Variants in PCDHA9 observed in about 807,000 individuals in gnomAD.
PCDHA9 encodes protocadherin alpha-9.
A neutral mutation model predicts 62.0 loss-of-function variants in PCDHA9; 62 were observed. That is an observed-to-expected ratio of 1.00 (90% confidence interval 0.81 to 1.23). The LOEUF (loss-of-function observed/expected upper bound fraction) is 1.23, where lower values mean the gene tolerates loss of function less well. Ranked by LOEUF, PCDHA9 falls within the 50% of genes most tolerant of loss-of-function variation. The pLI is 0.00. For synonymous variants in PCDHA9, 557 were observed against 567.6 expected, an observed-to-expected ratio of 0.98 and a Z score of 0.27; for missense variants, 1,205 against 1,249.8, an observed-to-expected ratio of 0.96 and a Z score of 0.54.
At chr5:140,883,018 G>A (rs1400637236) in intron 1 of PCDHA9, 4 of 1,614,086 alleles carry the variant, frequency 2.5e-6, no homozygotes, top group Admixed American at 1.7e-5. Flanking sequence ...ATAAAGTGAC[G>A]GTGTTAGAGA....
rs782684247 is a variant in PCDHA9, at chr5:140,870,024, A to T, written c.2394+19135A>T. The T allele has an allele frequency of 3.1e-6, 5 of 1,613,624 alleles. No individual in the cohort carries two copies. The Admixed American group carries it at 6.7e-5, about 22-fold the overall frequency. On this transcript the variant is annotated intron_variant, in intron 1 of 3. Coordinates refer to ENST00000532602, the MANE Select transcript of PCDHA9 (RefSeq NM_031857.2). The stretch of plus-strand genomic sequence containing the variant: ...GAGAAGTGAGGGTCAATGGAACTTT[A>T]GATTATGAAGAAAACAAGTTTTATA...
intron 3 of PCDHA9, among the ~76,000 whole-genome samples, chr5:140,983,431 G>T (rs947907651): frequency 5.3e-5 from 8 of 152,198 alleles, no homozygotes; most frequent in African/African-American, 1.9e-4. Flanking sequence ...ACCACAAATT[G>T]TGTCTACTCT....
intron 1 of PCDHA9, among the ~76,000 whole-genome samples, chr5:140,897,778 TG>T (rs1385536315): frequency 6.6e-6 from 1 of 152,208 alleles, no homozygotes; most frequent in Non-Finnish European, 1.5e-5. Flanking sequence ...ACTTCCACAA[TG>T]GTTGAACTAG....
rs140013560 is a variant in PCDHA9 at position 140,850,963 on chromosome 5, C to A, written c.2394+74C>A. On this transcript the variant is annotated intron_variant, in intron 1 of 3. Coordinates refer to ENST00000532602, the MANE Select transcript of PCDHA9 (RefSeq NM_031857.2). The stretch of plus-strand genomic sequence containing the variant: ...AGATATTATCGATTACTCCCAGGGG[C>A]CGTTCAAATAGTTTTATTCATTTTT... The A allele has an allele frequency of 5.0e-4, 731 of 1,472,590 alleles. 40 individuals carry two copies. The African/African-American group carries it at 9.3e-3, about 19-fold the overall frequency. The allele number at this position is 1,472,590 out of a possible 1,614,324, so 91.2% of individuals were successfully genotyped here.
chr5:140,982,267 A>T, intron 2 of PCDHA9: 4 of 883,458 alleles, frequency 4.5e-6, no homozygotes, highest in Non-Finnish European at 6.5e-6. Context: ...GTGTTCCTGG[A>T]ATAGTATAGC....
intron 3 of PCDHA9, among the ~76,000 whole-genome samples, chr5:140,985,406 GA>G (rs1554247033): frequency 6.6e-6 from 1 of 152,136 alleles, no homozygotes; most frequent in Non-Finnish European, 1.5e-5. Flanking sequence ...TGTTCCCCTG[GA>G]AATGGAGTGA....
At chr5:140,852,737 C>A in intron 1 of PCDHA9, 1 of 983,808 alleles carries the variant, frequency 1.0e-6, no homozygotes, top group Non-Finnish European at 1.2e-6. Context: ...GTTTCATGTG[C>A]CATTTAAACT....
chr5:140,901,307 T>A (rs544600785), intron 1 of PCDHA9, among the ~76,000 whole-genome samples: 1 of 152,264 alleles, frequency 6.6e-6, no homozygotes, highest in East Asian at 1.9e-4. Context: ...TTCCGGAGAG[T>A]TTCCCCAATG....
At chr5:140,859,448 G>C (rs1434508059) in intron 1 of PCDHA9, 1 of 222,132 alleles carries the variant, frequency 4.5e-6, no homozygotes, top group African/African-American at 2.3e-5. Flanking sequence ...CTTAGTTGCA[G>C]AGTGACAAAA....
intron 1 of PCDHA9, chr5:140,883,493 C>T (rs1554178441): frequency 6.2e-7 from 1 of 1,614,174 alleles, no homozygotes; most frequent in Non-Finnish European, 8.5e-7. Flanking sequence ...CTCATTAGTG[C>T]TGGACAGCGC....
In PCDHA9 at chr5:141,011,771, G is replaced by A. The variant is rs1327507093; in HGVS notation, c.*1834G>A. On this transcript the variant is annotated 3_prime_UTR_variant, in exon 4 of 4. Transcript: ENST00000532602. ...TCTGACCTCTTTGAAGTTGCAGAATGCTTTGAAATTCTAATGGTATCTGAA... is the reference window on the plus strand; with the variant it reads ...TCTGACCTCTTTGAAGTTGCAGAATACTTTGAAATTCTAATGGTATCTGAA... The A allele has an allele frequency of 1.3e-5, 2 of 153,698 alleles. No individual in the cohort carries two copies. The highest frequency in any genetic ancestry group is 4.8e-5 in the African/African-American group (2 of 41,424). The allele number at this position is 153,698 out of a possible 1,614,324, so 9.5% of individuals were successfully genotyped here.
chr5:140,873,639 T>G (rs567970956), intron 1 of PCDHA9, among the ~76,000 whole-genome samples: 1 of 152,346 alleles, frequency 6.6e-6, no homozygotes, highest in African/African-American at 2.4e-5. Context: ...AAAGAGTATG[T>G]GAGAACTACA....
At chr5:140,862,203 C>G (rs1481623018) in intron 1 of PCDHA9, 1 of 175,658 alleles carries the variant, frequency 5.7e-6, no homozygotes, top group Non-Finnish European at 1.2e-5. Context: ...AATGTTTGAT[C>G]ACTGCACAGA....
rs1246166621 is a variant in PCDHA9 at position 140,856,524 on chromosome 5, C to A, written c.2394+5635C>A. On this transcript the variant is annotated intron_variant, in intron 1 of 3. Coordinates refer to ENST00000532602, the MANE Select transcript of PCDHA9 (RefSeq NM_031857.2). ...TTTCCACTAGAAGGCGCATCTGATG[C>A]GGATGTTGGAGAGAACGCATTGCTT... The A allele has an allele frequency of 7.5e-6, 12 of 1,598,178 alleles. 1 individual carries two copies. The Middle Eastern group carries it at 1.2e-3, about 155-fold the overall frequency.
chr5:140,991,837 C>T (rs1379982421), intron 3 of PCDHA9, among the ~76,000 whole-genome samples: 3 of 152,158 alleles, frequency 2.0e-5, no homozygotes, highest in African/African-American at 7.2e-5. Context: ...ACGGCAGAAC[C>T]GCACTTCCAG....
intron 1 of PCDHA9, chr5:140,864,396 G>T (rs2048459702): frequency 6.6e-6 from 1 of 152,210 alleles, no homozygotes; most frequent in South Asian, 2.1e-4. Flanking sequence ...CACAAATGGT[G>T]ATGAGCAGGG....
At chr5:140,862,076 C>A (rs782160778) in intron 1 of PCDHA9, 1 of 157,430 alleles carries the variant, frequency 6.4e-6, no homozygotes, top group Non-Finnish European at 1.4e-5. Context: ...TCTCCCCTAA[C>A]ATAGAAGCCC....
chr5:140,875,313 C>T, intron 1 of PCDHA9: 3 of 1,425,730 alleles, frequency 2.1e-6, no homozygotes, highest in Non-Finnish European at 9.1e-7. Flanking sequence ...CACCCACATT[C>T]CAATCATTCA....
chr5:140,852,738 C>A, intron 1 of PCDHA9: 1 of 983,624 alleles, frequency 1.0e-6, no homozygotes, highest in Non-Finnish European at 1.2e-6. Flanking sequence ...TTTCATGTGC[C>A]ATTTAAACTT....
Sources: gnomAD v4.1 joint callset for allele counts (sites outside exome capture counted in the v4.1 genomes callset) on GRCh38, gnomAD v4.1.1 for gene constraint, MANE v1.5 for transcripts, NCBI Gene and HGNC (gene_info 2026-07-23, HGNC 2026-07-21) for gene names.